The following TIMELESS variants were observed in gnomAD, a reference collection of about 807,000 sequenced individuals.
TIMELESS encodes the protein protein timeless homolog.
In TIMELESS, 124 loss-of-function variants were observed where a neutral mutation model predicts 164.3. The observed-to-expected ratio is 0.75, with a 90% CI of 0.65 to 0.88. The LOEUF is 0.88. Ranked by LOEUF, TIMELESS falls within the 40% of genes least tolerant of loss-of-function variation. The pLI is 0.00. For synonymous variants in TIMELESS, 564 were observed against 563.4 expected (o/e 1.00, Z -0.02); for missense variants, 1,422 against 1,491.4 (o/e 0.95, Z 0.77).
intron 1 of TIMELESS, among the ~76,000 whole-genome samples, chr12:56,439,598 T>C (rs185896533): frequency 2.0e-4 from 30 of 151,492 alleles, no homozygotes; most frequent in Middle Eastern, 3.4e-3. Flanking sequence ...CTCCCTATGT[T>C]GCCCACACTG....
Position 56,422,031 on chromosome 12 carries a change from G to T in TIMELESS, c.2525-15C>A. 2.5e-6 allele frequency: 4 copies of T among 1,613,976 alleles called. No homozygotes were observed. The highest frequency in any genetic ancestry group is 3.4e-6 in the Non-Finnish European group (4 of 1,179,890). On this transcript the variant is annotated splice_polypyrimidine_tract_variant and intron_variant, in intron 20 of 28. Coordinates refer to ENST00000553532, the MANE Select transcript of TIMELESS (RefSeq NM_003920.5). ...CACATCCTGCCCTGGCGTGGGGAAG[G>T]ACTAAGGCAGTAAAGAAGGTCCCAC...
Position 56,417,465 on chromosome 12 carries a change from C to A in TIMELESS, c.*251G>T. 2.2e-6 allele frequency: 1 copy of A among 461,650 alleles called. No individual in the cohort carries two copies. Among genetic ancestry groups the A allele is most frequent in the East Asian group, 3.6e-5 (1 of 27,790 alleles). The allele number at this position is 461,650 out of a possible 1,614,324, so 28.6% of individuals were successfully genotyped here. ...CTCCAATAACCAAAAGAAATGGTTC[C>A]TAGAAGAAGAGAACTAAATCTCCAG... is the stretch of plus-strand genomic sequence containing the variant. On this transcript the variant is annotated 3_prime_UTR_variant, in exon 29 of 29. Transcript: ENST00000553532.
At position 56,417,432 on chromosome 12, in the gene TIMELESS, C is replaced by T. The variant is rs1247842256; in HGVS notation, c.*284G>A. 8.0e-6 allele frequency: 3 copies of T among 374,536 alleles called. No individual in the cohort carries two copies. Among genetic ancestry groups the T allele is most frequent in the Non-Finnish European group, 1.5e-5 (3 of 205,246 alleles). The allele number at this position is 374,536 out of a possible 1,614,324, so 23.2% of individuals were successfully genotyped here. A position where few individuals can be genotyped will look rare whatever the true frequency, so the allele number is the denominator to read the frequency against. ...CTATTTCACTCACTCCTCTTATTTG[C>T]TAAGGAGCTCCAATAACCAAAAGAA... On this transcript the variant is annotated 3_prime_UTR_variant, in exon 29 of 29. Transcript: ENST00000553532.
At chr12:56,427,331 C>T (rs1437620409) in intron 13 of TIMELESS, among the ~76,000 whole-genome samples, 1 of 152,096 alleles carries the variant, frequency 6.6e-6, no homozygotes, top group African/African-American at 2.4e-5. Flanking sequence ...TCATGTTGCC[C>T]AGGCTGGTCT....
Position 56,432,419 on chromosome 12 carries a change from G to C in TIMELESS, c.637C>G (p.Gln213Glu), listed in dbSNP as rs146742054. The C allele has an allele frequency of 1.6e-4, 265 of 1,614,176 alleles. 1 individual carries two copies. In the African/African-American group the frequency reaches 3.2e-3, roughly 19 times the overall value. Reference sequence around the variant, plus strand: ...ATCTCTAGCACATGTAGGCTCCATTGCTCCTCAGCAGACGAGCTGGCCAGA... The same window carrying C: ...ATCTCTAGCACATGTAGGCTCCATTCCTCCTCAGCAGACGAGCTGGCCAGA... ...LFLASSSAEE[Q>E]WSLHVLEIVS... Residue 213 changes from glutamine to glutamate, a missense_variant, in exon 7 of 29, where the codon CAA becomes GAA. By Grantham distance (29) the Gln-to-Glu change is conservative (BLOSUM62 2). Coordinates refer to ENST00000553532, the MANE Select transcript of TIMELESS (RefSeq NM_003920.5).
chr12:56,430,121 A>G lies in TIMELESS; in HGVS notation c.1070T>C (p.Leu357Pro). 6.2e-7 allele frequency: 1 copy of G among 1,612,624 alleles called. No homozygotes were observed. The highest frequency in any genetic ancestry group is 8.5e-7 in the Non-Finnish European group (1 of 1,179,608). Residue 357 changes from leucine to proline, a missense_variant, in exon 10 of 29, where the codon CTC becomes CCC. Leu to Pro is a moderately conservative substitution (Grantham distance 98). Transcript: ENST00000553532. ...GGTTCTCACCTTTACTGATCCCATG[A>G]GCCGGTTGTAACAGTTCTCCAGGAA... ...SEFLENCYNR[L>P]MGSVKDHLLR...
intron 13 of TIMELESS, among the ~76,000 whole-genome samples, chr12:56,426,095 G>A (rs1413187362): frequency 6.6e-6 from 1 of 152,072 alleles, no homozygotes; most frequent in Non-Finnish European, 1.5e-5. Context: ...CAGCAGATCT[G>A]GATTTGAGTA....
chr12:56,435,694 T>C (rs1180436345), intron 1 of TIMELESS, among the ~76,000 whole-genome samples: 2 of 152,132 alleles, frequency 1.3e-5, no homozygotes, highest in East Asian at 1.9e-4. Context: ...GCACGGTGGC[T>C]CATGCCTGTA....
chr12:56,446,709 G>A (rs57742941), intron 1 of TIMELESS, among the ~76,000 whole-genome samples: 4,984 of 151,262 alleles, frequency 0.033, 268 homozygotes, highest in African/African-American at 0.11. Flanking sequence ...GTGGGTGCCT[G>A]TAATTCCAGC....
At chr12:56,422,304 A>C in intron 19 of TIMELESS, 113 bp from the exon 20 acceptor site, 1 of 925,002 alleles carries the variant, frequency 1.1e-6, no homozygotes, top group Non-Finnish European at 1.7e-6. Flanking sequence ...CAGGTAACTG[A>C]AAGAGGCCAG....
At chr12:56,428,728 CG>C in intron 11 of TIMELESS, 76 bp from the exon 12 acceptor site, 1 of 1,443,022 alleles carries the variant, frequency 6.9e-7, no homozygotes, top group Non-Finnish European at 9.6e-7. Context: ...CTTCCCACAG[CG>C]AAAAAAAAAA....
At position 56,425,016 on chromosome 12, in the gene TIMELESS, T is replaced by C. The variant is rs775554266; in HGVS notation, c.1715A>G (p.Gln572Arg). 5.0e-6 allele frequency: 8 copies of C among 1,614,206 alleles called. No homozygotes were observed. In the Admixed American group the frequency reaches 1.2e-4, roughly 24 times the overall value. The change falls in exon 14 of 29, where the codon CAG (glutamine) becomes CGG (arginine). Residue 572 changes from glutamine to arginine, a missense_variant and splice_region_variant. By Grantham distance (43) the Gln-to-Arg change is conservative. Transcript: ENST00000553532. ...GACAGGGTTTCTGTAACCACCTACC[T>C]GGGCACAGCACTGTAGCTGCTCAGC... ...ALAEQLQCCA[Q>R]NSELSMDSVV...
intron 1 of TIMELESS, among the ~76,000 whole-genome samples, chr12:56,446,871 A>C (rs1271599862): frequency 6.6e-6 from 1 of 151,762 alleles, no homozygotes; most frequent in Non-Finnish European, 1.5e-5. Context: ...TACAGAAGTG[A>C]CCTCCTTTTC....
rs370232505 is a variant in TIMELESS, at chr12:56,421,968, C to T, written c.2573G>A (p.Arg858Gln). The T allele has an allele frequency of 9.3e-6, 15 of 1,614,002 alleles. No homozygotes were observed. Among genetic ancestry groups the T allele is most frequent in the African/African-American group, 4.0e-5 (3 of 74,894 alleles). The change falls in exon 21 of 29, where the codon CGA (arginine) becomes CAA (glutamine). Residue 858 changes from arginine (R) to glutamine (Q), a missense_variant. Arg to Gln is a conservative substitution (Grantham distance 43). Coordinates refer to ENST00000553532, the MANE Select transcript of TIMELESS (RefSeq NM_003920.5). ...AILAHLNTVP[R>Q]TRKQIIHHLV... ...ATGGTGGATGATCTGCTTGCGTGTT[C>T]GAGGAACAGTATTCAGGTGGGCCAA...
chr12:56,419,527 T>C (rs1881385620), intron 26 of TIMELESS, among the ~76,000 whole-genome samples: 1 of 150,434 alleles, frequency 6.6e-6, no homozygotes, highest in Non-Finnish European at 1.5e-5. Flanking sequence ...ATAGAGGGAC[T>C]GGCATGATTA....
chr12:56,420,558 G>A lies in TIMELESS; in HGVS notation c.3228+11C>T. On this transcript the variant is annotated intron_variant, in intron 26 of 28. Transcript: ENST00000553532. The stretch of plus-strand genomic sequence containing the variant: ...ACACGCCTTGGTTGACACTGTAACT[G>A]ACATATTTACCTGCCCAGAGGCAGG... 6.2e-7 allele frequency: 1 copy of A among 1,611,958 alleles called. No individual in the cohort carries two copies.
intron 13 of TIMELESS, 117 bp downstream of exon 13, chr12:56,428,119 C>T (rs1210267441): frequency 3.1e-6 from 3 of 957,346 alleles, no homozygotes; most frequent in East Asian, 2.6e-5. Context: ...CTCTTGCTGT[C>T]GTAGTTCAGA....
intron 13 of TIMELESS, 80 bp from the exon 14 acceptor site, chr12:56,425,232 T>G: frequency 6.8e-7 from 1 of 1,460,706 alleles, no homozygotes; most frequent in Non-Finnish European, 9.1e-7. Flanking sequence ...ATTACAAAAC[T>G]AATTAACTGG....
chr12:56,440,167 C>G (rs1868254179), intron 1 of TIMELESS, among the ~76,000 whole-genome samples: 1 of 114,768 alleles, frequency 8.7e-6, no homozygotes, highest in Non-Finnish European at 1.7e-5. Flanking sequence ...GAGACAGAGT[C>G]TTGCTCTGTC....
Sources: allele counts gnomAD v4.1 joint callset (sites outside exome capture counted in the v4.1 genomes callset), GRCh38; gene constraint gnomAD v4.1.1; transcripts MANE v1.5; gene names NCBI Gene and HGNC (gene_info 2026-07-23, HGNC 2026-07-21).